The following MASP1 variants were observed in gnomAD, a reference collection of about 807,000 sequenced individuals.
MASP1 encodes mannan-binding lectin serine protease 1.
MASP1 carries 59 observed loss-of-function variants against 77.1 expected under a neutral mutation model. That is an observed-to-expected ratio of 0.77 (90% CI 0.62 to 0.95). The LOEUF (loss-of-function observed/expected upper bound fraction) is 0.95. MASP1 is among the 40% of genes least tolerant of loss of function. The pLI, the probability that MASP1 is intolerant of heterozygous loss-of-function variation, is 0.00. For synonymous variants in MASP1, 362 were observed against 354.5 expected, an observed-to-expected ratio of 1.02 and a Z score of -0.24; for missense variants, 885 against 912.9, an observed-to-expected ratio of 0.97 and a Z score of 0.39.
chr3:187,263,125 T>A, intron 2 of MASP1: 1 of 253,906 alleles, frequency 3.9e-6, no homozygotes, highest in Non-Finnish European at 7.7e-6. Context: ...GTATCCAGTG[T>A]GTGCCTACTG....
At chr3:187,223,322 T>A in intron 13 of MASP1, 2 of 813,024 alleles carry the variant, frequency 2.5e-6, no homozygotes, top group Non-Finnish European at 4.2e-6. Context: ...AGAAAGGTGG[T>A]GTGGTGGGGA....
exon 13 of MASP1, chr3:187,225,436 C>T (rs1346205784): frequency 6.8e-6 from 11 of 1,614,084 alleles, no homozygotes; most frequent in African/African-American, 1.3e-5. Flanking sequence ...TGGGATCATA[C>T]TGGGGGTGGA....
At chr3:187,265,617 G>A (rs1199028730) in intron 2 of MASP1, among the ~76,000 whole-genome samples, 5 of 152,162 alleles carry the variant, frequency 3.3e-5, no homozygotes, top group South Asian at 2.1e-4. Context: ...AGAGCTGGGC[G>A]GGACCTTTAA....
chr3:187,280,039 G>A (rs780052119), intron 2 of MASP1, among the ~76,000 whole-genome samples: 1 of 152,180 alleles, frequency 6.6e-6, no homozygotes, highest in Non-Finnish European at 1.5e-5. Context: ...GGATTACTGT[G>A]CTTCATTCCA....
At chr3:187,243,301 G>T in intron 9 of MASP1, 183 bp downstream of exon 9, 1 of 686,316 alleles carries the variant, frequency 1.5e-6, no homozygotes, top group Non-Finnish European at 2.6e-6. Context: ...TCTCCACATG[G>T]ACACAGTAAC....
At chr3:187,229,826 T>C (rs759849317), downstream of MASP1, 8 of 1,613,984 alleles carry the variant, frequency 5.0e-6, no homozygotes, top group African/African-American at 6.7e-5. Context: ...CAGGGAGTGG[T>C]GCCTTTCTGG....
Position 187,234,506 on chromosome 3 carries a change from T to G in MASP1, c.*1178A>C. 3.1e-6 allele frequency: 4 copies of G among 1,286,194 alleles called. No homozygotes were observed. Among genetic ancestry groups the G allele is most frequent in the Non-Finnish European group, 4.0e-6 (4 of 987,758 alleles). The allele number at this position is 1,286,194 out of a possible 1,614,324, so 79.7% of individuals were successfully genotyped here. A position where few individuals can be genotyped will look rare whatever the true frequency, so the allele number is the denominator to read the frequency against. ...GATTTTTCAAAGGTTATACAGCCAG[T>G]TGGGGGCAGAGCAGGGACTAGAACC... On this transcript the variant is annotated 3_prime_UTR_variant, in exon 11 of 11. Transcript: ENST00000296280.
Position 187,234,703 on chromosome 3 carries a change from C to T in MASP1, c.*981G>A. The stretch of plus-strand genomic sequence containing the variant: ...AGGATTTGGGTGACTTCTAATGTGC[C>T]CACCCCACTCTTTCTTCCATTTTCC... On this transcript the variant is annotated 3_prime_UTR_variant, in exon 11 of 11. Coordinates refer to ENST00000296280, the MANE Select transcript of MASP1 (RefSeq NM_139125.4). 3 of 1,287,172 alleles carry T rather than the reference C, an allele frequency of 2.3e-6. No homozygotes were observed. Among genetic ancestry groups the T allele is most frequent in the Non-Finnish European group, 3.0e-6 (3 of 988,672 alleles). 79.7% of individuals were successfully genotyped at this position (1,287,172 alleles called of 1,614,324 possible). A position where few individuals can be genotyped will look rare whatever the true frequency, so the allele number is the denominator to read the frequency against.
At chr3:187,264,413 T>C (rs1457048693) in intron 2 of MASP1, among the ~76,000 whole-genome samples, 1 of 152,138 alleles carries the variant, frequency 6.6e-6, no homozygotes, top group Non-Finnish European at 1.5e-5. Context: ...TCTGACTCAG[T>C]TTTCCAGATA....
At position 187,235,767 on chromosome 3, in the gene MASP1, T is replaced by A. The variant is rs753080470; in HGVS notation, c.2104A>T (p.Thr702Ser). Residue 702 changes from threonine (T) to serine (S), a missense_variant, in exon 11 of 11, where the codon ACA (threonine) becomes TCA (serine). Thr to Ser is a moderately conservative substitution (Grantham distance 58, BLOSUM62 1). Transcript: ENST00000296280. ...CAGTCCACGTAATTGGAGACCTTTG[T>A]GTAGACTCCATAGACCTGCTTGCTG... ...CGSKQVYGVYTKVSNYVDWVW... is the reference protein window; with the variant it reads ...CGSKQVYGVYSKVSNYVDWVW... 1.2e-6 allele frequency: 2 copies of A among 1,614,162 alleles called. No homozygotes were observed. The highest frequency in any genetic ancestry group is 2.2e-5 in the South Asian group (2 of 91,070).
chr3:187,222,399 G>A (rs1355993174), intron 14 of MASP1, among the ~76,000 whole-genome samples: 1 of 152,104 alleles, frequency 6.6e-6, no homozygotes, highest in African/African-American at 2.4e-5. Context: ...TAGACCCCCG[G>A]GAGTTAGTGA....
rs909084384 is a variant in MASP1 at position 187,225,569 on chromosome 3, T to C, written c.1556-60A>G. ...AATGGAGGATAAGGTCACACCTTGT[T>C]CCCTGTCAGCCCCCGCCCCAGCCCC... On this transcript the variant is annotated intron_variant, in intron 12 of 15. Transcript: ENST00000337774. The C allele has an allele frequency of 3.8e-6, 6 of 1,569,188 alleles. No individual in the cohort carries two copies. In the Admixed American group the frequency reaches 1.0e-4, roughly 26 times the overall value.
chr3:187,250,309 T>G lies in MASP1; in HGVS notation c.1032A>C (p.Thr344=). 6.2e-7 allele frequency: 1 copy of G among 1,613,610 alleles called. No homozygotes were observed. The highest frequency in any genetic ancestry group is 1.1e-5 in the South Asian group (1 of 91,068). The change falls in exon 8 of 11, where the codon ACA becomes ACC. Residue 344 remains threonine, a synonymous_variant. Transcript: ENST00000296280. ...KVLKDNVEMD[T]FQIECLKDGT... Reference sequence around the variant, plus strand: ...CATCCTTCAGACACTCAATCTGGAATGTGTCCATCTCCACATTATCCTGGG... The same window carrying G: ...CATCCTTCAGACACTCAATCTGGAAGGTGTCCATCTCCACATTATCCTGGG...
At chr3:187,223,220 A>G in intron 13 of MASP1, 1 of 1,601,656 alleles carries the variant, frequency 6.2e-7, no homozygotes, top group Middle Eastern at 1.7e-4. Flanking sequence ...TACTGTGAGA[A>G]CAGAGAAGCT....
At chr3:187,269,569 C>T (rs956338218) in intron 2 of MASP1, among the ~76,000 whole-genome samples, 2 of 152,210 alleles carry the variant, frequency 1.3e-5, no homozygotes, top group Admixed American at 1.3e-4. Flanking sequence ...ACTCTCACCA[C>T]TCCCAGAGAG....
chr3:187,251,138 T>G (rs1179176524), intron 7 of MASP1, among the ~76,000 whole-genome samples: 3 of 152,124 alleles, frequency 2.0e-5, no homozygotes, highest in African/African-American at 7.2e-5. Context: ...TTTGTATTAT[T>G]TAGTAGAGAT....
chr3:187,231,724 G>C (rs1263647755), downstream of MASP1, among the ~76,000 whole-genome samples: 1 of 152,248 alleles, frequency 6.6e-6, no homozygotes, highest in African/African-American at 2.4e-5. Context: ...GCTGGATAAA[G>C]CTTTGACTTG....
chr3:187,289,281 C>T (rs1648110905), intron 1 of MASP1, among the ~76,000 whole-genome samples: 1 of 152,150 alleles, frequency 6.6e-6, no homozygotes, highest in African/African-American at 2.4e-5. Flanking sequence ...TCCGTACACG[C>T]CCCTTGTTTC....
intron 2 of MASP1, among the ~76,000 whole-genome samples, chr3:187,285,575 A>G (rs1246717577): frequency 1.3e-5 from 2 of 152,044 alleles, no homozygotes; most frequent in Non-Finnish European, 2.9e-5. Flanking sequence ...GGCTTTGAGA[A>G]CAGGAAGAAA....
Sources: gnomAD v4.1 joint callset for allele counts (sites outside exome capture counted in the v4.1 genomes callset) on GRCh38, gnomAD v4.1.1 for gene constraint, MANE v1.5 for transcripts, NCBI Gene and HGNC (gene_info 2026-07-23, HGNC 2026-07-21) for gene names.